Variants in ZNF385A observed in about 807,000 individuals in gnomAD.
ZNF385A encodes hematopoietic zinc finger protein.
ZNF385A carries 14 observed loss-of-function variants against 32.1 expected under a neutral mutation model. The observed-to-expected ratio is 0.44, with a 90% CI of 0.29 to 0.68. The LOEUF is 0.68. ZNF385A is among the 30% of genes least tolerant of loss of function. The pLI, the probability that ZNF385A is intolerant of heterozygous loss-of-function variation, is 0.14. For synonymous variants in ZNF385A, 197 were observed against 202.7 expected (o/e 0.97, Z 0.24); for missense variants, 406 against 478.4 (o/e 0.85, Z 1.41).
At chr12:54,371,181 C>T in intron 4 of ZNF385A, 85 bp from the exon 5 acceptor site, 1 of 1,428,052 alleles carries the variant, frequency 7.0e-7, no homozygotes, top group East Asian at 2.3e-5. Flanking sequence ...TTCCCAGGTA[C>T]AATATGAGGG....
intron 2 of ZNF385A, among the ~76,000 whole-genome samples, chr12:54,375,244 G>A (rs547951787): frequency 8.5e-5 from 13 of 152,304 alleles, no homozygotes; most frequent in African/African-American, 3.1e-4. Flanking sequence ...GAGCCTCAGA[G>A]GGAGGAAATC....
chr12:54,379,318 A>G, intron 1 of ZNF385A: 1 of 425,624 alleles, frequency 2.3e-6, no homozygotes, highest in Non-Finnish European at 3.1e-6. Context: ...GAGGAATGAA[A>G]GGGGGCTAGG....
At chr12:54,383,549 C>T (rs1955308141) in intron 1 of ZNF385A, among the ~76,000 whole-genome samples, 1 of 152,186 alleles carries the variant, frequency 6.6e-6, no homozygotes, top group African/African-American at 2.4e-5. Flanking sequence ...TCCAGTTGCC[C>T]CACTCACCTT....
chr12:54,387,794 GGA>G (rs1474233429), upstream of ZNF385A, among the ~76,000 whole-genome samples: 1 of 152,220 alleles, frequency 6.6e-6, no homozygotes, highest in Non-Finnish European at 1.5e-5. Context: ...TGGCTCAGAA[GGA>G]GAGTTATTTG....
Position 54,371,093 on chromosome 12 carries a change from G to C in ZNF385A, c.608C>G (p.Thr203Ser). 1 of 1,598,856 alleles carries C rather than the reference G, an allele frequency of 6.3e-7. No homozygotes were observed. Among genetic ancestry groups the C allele is most frequent in the South Asian group, 1.1e-5 (1 of 88,830 alleles). Residue 203 changes from threonine to serine, a missense_variant, in exon 5 of 7, where the codon ACT becomes AGT. Physicochemically the swap from Thr to Ser is moderately conservative, Grantham distance 58. Transcript: ENST00000394313. ...GGCCTCCAGAATTGTCTTGTGCTTA[G>C]TACCTGGAGCCCAGAGAGGGCAGGA... ...LSQLEAHNKG[T>S]KHKTILEARS... is the part of the protein sequence containing the mutation.
chr12:54,384,600 G>C lies in ZNF385A; in HGVS notation c.-86C>G. 1 of 1,427,110 alleles carries C rather than the reference G, an allele frequency of 7.0e-7. No individual in the cohort carries two copies. The highest frequency in any genetic ancestry group is 3.1e-5 in the Admixed American group (1 of 32,158). The allele number at this position is 1,427,110 out of a possible 1,614,324, so 88.4% of individuals were successfully genotyped here. ...GAGAAAACATTCTGTGGGGTAGGAA[G>C]ATTAAAGCTTGGGAACCCCACCCAA... is the stretch of plus-strand genomic sequence containing the variant. On this transcript the variant is annotated 5_prime_UTR_variant, in exon 1 of 7. In the 5' UTR this introduces an upstream ATG that the reference lacks. Coordinates refer to ENST00000394313, the MANE Select transcript of ZNF385A (RefSeq NM_015481.3).
intron 3 of ZNF385A, 87 bp downstream of exon 3, chr12:54,373,886 G>A (rs1954694759): frequency 7.4e-7 from 1 of 1,359,774 alleles, no homozygotes; most frequent in East Asian, 2.6e-5. Flanking sequence ...GGAAGAGAGA[G>A]ATGGAAGCAG....
intron 1 of ZNF385A, among the ~76,000 whole-genome samples, chr12:54,384,024 G>A (rs558220322): frequency 6.6e-6 from 1 of 152,206 alleles, no homozygotes; most frequent in Non-Finnish European, 1.5e-5. Flanking sequence ...GGACTGCAGA[G>A]AGGTGAAACT....
upstream of ZNF385A, chr12:54,384,795 C>G: frequency 8.1e-7 from 1 of 1,234,930 alleles, no homozygotes; most frequent in South Asian, 3.7e-5. Flanking sequence ...TTTCACTTCC[C>G]CCTTTTCCAG....
At chr12:54,378,104 T>C (rs542268844) in intron 1 of ZNF385A, among the ~76,000 whole-genome samples, 33 of 151,058 alleles carry the variant, frequency 2.2e-4, no homozygotes, top group Non-Finnish European at 3.8e-4. Flanking sequence ...CAACTAGGAG[T>C]GGGAGTGGGG....
At chr12:54,372,447 C>T (rs910204058) in intron 3 of ZNF385A, among the ~76,000 whole-genome samples, 1 of 152,164 alleles carries the variant, frequency 6.6e-6, no homozygotes, top group Non-Finnish European at 1.5e-5. Context: ...CATCCTATGT[C>T]CTTCCCCTTA....
chr12:54,384,145 C>A (rs1019118831), intron 1 of ZNF385A, among the ~76,000 whole-genome samples: 2 of 152,192 alleles, frequency 1.3e-5, no homozygotes, highest in Non-Finnish European at 2.9e-5. Context: ...CATTACTTCT[C>A]TAGATGGTAG....
At chr12:54,391,271 C>T (rs1010950984) in exon 1 of ZNF385A, 1 of 1,322,258 alleles carries the variant, frequency 7.6e-7, no homozygotes, top group South Asian at 1.7e-5. Context: ...CCCGGGGTTC[C>T]GCGTCGCTCT....
chr12:54,384,413 C>T lies in ZNF385A; in HGVS notation c.87+15G>A. 7 of 1,569,796 alleles carry T rather than the reference C, an allele frequency of 4.5e-6. No homozygotes were observed. Among genetic ancestry groups the T allele is most frequent in the Non-Finnish European group, 6.0e-6 (7 of 1,157,520 alleles). On this transcript the variant is annotated intron_variant, in intron 1 of 6. Transcript: ENST00000394313. ...GTCACAAGAGGATGGAGAAGGCAGG[C>T]AGGCTGCTACTTACGGTGCTGTAGT... is the stretch of plus-strand genomic sequence containing the variant.
chr12:54,375,818 G>C, intron 2 of ZNF385A, 26 bp downstream of exon 2: 2 of 1,604,622 alleles, frequency 1.2e-6, no homozygotes, highest in Non-Finnish European at 1.7e-6. Flanking sequence ...CCACCCACTG[G>C]GTAGATGAGC....
intron 1 of ZNF385A, among the ~76,000 whole-genome samples, chr12:54,379,518 C>T (rs956718402): frequency 6.6e-6 from 1 of 152,088 alleles, no homozygotes. Context: ...TTTTGCCCCA[C>T]CTTCCCTAGA....
chr12:54,370,636 C>A lies in ZNF385A; in HGVS notation c.860G>T (p.Gly287Val). The change falls in exon 6 of 7, where the codon GGG becomes GTG. Residue 287 changes from glycine to valine, a missense_variant. Gly to Val is a moderately radical substitution (Grantham distance 109, BLOSUM62 -3). Transcript: ENST00000394313. This position sits in a 1 kb window ranked among gnomAD's most constrained non-coding sequence, Gnocchi z 5.5. ...LSRHKKSRGAGELAGTLTFSK... is the reference protein window; with the variant it reads ...LSRHKKSRGAVELAGTLTFSK... ...GCATCCAGGCCTCACCGCCAGCTCC[C>A]CGGCGCCCCTAGACTTCTTGTGACG... is the stretch of plus-strand genomic sequence containing the variant. 1.2e-6 allele frequency: 2 copies of A among 1,601,854 alleles called. No individual in the cohort carries two copies. The highest frequency in any genetic ancestry group is 1.7e-6 in the Non-Finnish European group (2 of 1,174,694).
chr12:54,372,745 T>G (rs1954617589), intron 3 of ZNF385A: 1 of 155,734 alleles, frequency 6.4e-6, no homozygotes, highest in African/African-American at 2.4e-5. Flanking sequence ...CAATTAGAAC[T>G]CAGCTTCCCG....
intron 2 of ZNF385A, among the ~76,000 whole-genome samples, chr12:54,375,575 A>G (rs1954806526): frequency 6.6e-6 from 1 of 151,804 alleles, no homozygotes; most frequent in Non-Finnish European, 1.5e-5. Context: ...TGAACCACGG[A>G]TGCCCAAGTC....
Sources: allele counts gnomAD v4.1 joint callset (sites outside exome capture counted in the v4.1 genomes callset), GRCh38; gene constraint gnomAD v4.1.1; non-coding constraint Gnocchi (gnomAD v3.1); transcripts MANE v1.5; gene names NCBI Gene and HGNC (gene_info 2026-07-23, HGNC 2026-07-21).